The following VPS9D1 variants were observed in gnomAD, a reference collection of about 807,000 sequenced individuals.
VPS9D1 encodes VPS9 domain-containing protein 1.
A neutral mutation model predicts 75.8 loss-of-function variants in VPS9D1; 78 were observed. The ratio of observed to expected loss-of-function variants is 1.03; its 90% CI spans 0.86 to 1.24. VPS9D1 has a LOEUF of 1.24. Ranked by LOEUF, VPS9D1 falls within the 50% of genes most tolerant of loss-of-function variation. The pLI is 0.00. For synonymous variants in VPS9D1, 481 were observed against 385.6 expected, an observed-to-expected ratio of 1.25 and a Z score of -2.90; for missense variants, 1,057 against 847.7, an observed-to-expected ratio of 1.25 and a Z score of -3.07.
chr16:89,709,313 G>GC lies in VPS9D1; in HGVS notation c.1510dup (p.Ala504GlyfsTer67). The GC allele has an allele frequency of 6.2e-7, 1 of 1,604,944 alleles. No individual in the cohort carries two copies. Among genetic ancestry groups the GC allele is most frequent in the Non-Finnish European group, 8.5e-7 (1 of 1,177,494 alleles). On this transcript the variant is annotated frameshift_variant, in exon 12 of 15. Transcript: ENST00000389386. LOFTEE classifies it high-confidence loss of function. The stretch of plus-strand genomic sequence containing the variant: ...CGCCGCGCAGTAGGGGTAGCCAGTG[G>GC]CCCCCTTGGCCTCAGGGTTCTGGGG...
At chr16:89,720,588 T>A in intron 1 of VPS9D1, 175 bp downstream of exon 1, 1 of 1,224,104 alleles carries the variant, frequency 8.2e-7, no homozygotes, top group South Asian at 3.2e-5. Context: ...CCAAGGTCAC[T>A]GCACGCCCGG....
At chr16:89,711,247 C>T (rs1004903564) in intron 9 of VPS9D1, 80 bp downstream of exon 9, 6 of 1,456,538 alleles carry the variant, frequency 4.1e-6, no homozygotes, top group South Asian at 1.2e-5. Flanking sequence ...TCAGTCCAGC[C>T]CCTCTCCGGC....
Position 89,710,650 on chromosome 16 carries a change from C to T in VPS9D1, c.1194G>A (p.Gly398=). 17 of 1,611,562 alleles carry T rather than the reference C, an allele frequency of 1.1e-5. No homozygotes were observed. Among genetic ancestry groups the T allele is most frequent in the East Asian group, 4.5e-5 (2 of 44,848 alleles). Residue 398 remains glycine (G), a synonymous_variant, in exon 10 of 15, where the codon GGG becomes GGA. Transcript: ENST00000389386. ...GTSERQGRGR[G]VQPEPQLQQL... ...GCTGCAGCTGGGGCTCCGGCTGTAC[C>T]CCACGGCCCCGGCCCTGCCGCTCAG...
intron 4 of VPS9D1, 127 bp downstream of exon 4, chr16:89,716,335 C>A: frequency 7.0e-7 from 1 of 1,420,876 alleles, no homozygotes; most frequent in East Asian, 2.3e-5. Flanking sequence ...CGCTGCACTC[C>A]AGCCTGGGTG....
chr16:89,711,266 C>G, intron 9 of VPS9D1, 61 bp downstream of exon 9: 2 of 1,526,582 alleles, frequency 1.3e-6, no homozygotes, highest in Admixed American at 3.9e-5. Flanking sequence ...GCACCTGGCA[C>G]CAGGCAGAGG....
chr16:89,711,240 G>C, intron 9 of VPS9D1, 87 bp downstream of exon 9: 5 of 1,427,346 alleles, frequency 3.5e-6, no homozygotes, highest in Non-Finnish European at 2.9e-6. Context: ...CCCTGTGTCA[G>C]TCCAGCCCCT....
rs2061078926 is a variant in VPS9D1 at position 89,716,738 on chromosome 16, G to C, written c.260C>G (p.Ala87Gly). The C allele has an allele frequency of 1.0e-5, 16 of 1,588,552 alleles. No individual in the cohort carries two copies. The highest frequency in any genetic ancestry group is 1.4e-5 in the Non-Finnish European group (16 of 1,167,232). Residue 87 changes from alanine to glycine, a missense_variant, in exon 3 of 15, where the codon GCC becomes GGC. Coordinates refer to ENST00000389386, the MANE Select transcript of VPS9D1 (RefSeq NM_004913.3). ...TACTGCAGGAGACCCACCAAGCTTG[G>C]CGGCCGTCGACTGGGCCCTCTCCAG... Reference protein sequence around the residue: ...QCLERAQSTAAKLGKTRLKPT... With the variant: ...QCLERAQSTAGKLGKTRLKPT...
At position 89,708,840 on chromosome 16, in the gene VPS9D1, G is replaced by A. The variant is rs768067207; in HGVS notation, c.1697+17C>T. On this transcript the variant is annotated intron_variant, in intron 13 of 14. Coordinates refer to ENST00000389386, the MANE Select transcript of VPS9D1 (RefSeq NM_004913.3). ...GGCCCTTCCTCCCTGGCCACACCTCGCCCTCCTGGGACTCACATGGCAGCT... is the reference window on the plus strand; with the variant it reads ...GGCCCTTCCTCCCTGGCCACACCTCACCCTCCTGGGACTCACATGGCAGCT... 2.7e-5 allele frequency: 42 copies of A among 1,568,810 alleles called. No individual in the cohort carries two copies. Among genetic ancestry groups the A allele is most frequent in the Admixed American group, 6.3e-5 (3 of 47,532 alleles).
At chr16:89,720,345 C>T in intron 1 of VPS9D1, 1 of 919,168 alleles carries the variant, frequency 1.1e-6, no homozygotes, top group Non-Finnish European at 1.3e-6. Context: ...AACAGCATCA[C>T]AAATGAGCAG....
intron 2 of VPS9D1, among the ~76,000 whole-genome samples, chr16:89,717,181 C>CACCATGG (rs1174517232): frequency 6.8e-6 from 1 of 146,878 alleles, no homozygotes; most frequent in African/African-American, 2.5e-5. Flanking sequence ...CCCCTGCCCC[C>CACCATGG]ACCATGGACC....
chr16:89,718,183 G>T (rs2061135636), intron 2 of VPS9D1: 1 of 406,214 alleles, frequency 2.5e-6, no homozygotes, highest in Non-Finnish European at 5.0e-6. Context: ...CTCCTTGCCA[G>T]TTTGCTCCTG....
intron 3 of VPS9D1, 25 bp downstream of exon 3, chr16:89,716,705 G>A (rs377026308): frequency 6.3e-7 from 1 of 1,592,666 alleles, no homozygotes; most frequent in African/African-American, 1.4e-5. Context: ...TGCCCCAGGA[G>A]AGCCGCCTAC....
rs768299709 is a variant in VPS9D1, at chr16:89,711,339, G to T, written c.821C>A (p.Ser274Ter). Reference protein sequence around the residue: ...GDLSLVTSLVSHLLSLPDHPI... With the variant: ...GDLSLVTSLV ...AAGGCCCAGCTACCTGAGCAGGTGT[G>T]AGACCAGGCTGGTCACGAGTGACAG... Residue 274 changes from serine to a stop codon, truncating the protein, a stop_gained, in exon 9 of 15, where the codon TCA becomes TAA. Transcript: ENST00000389386. LOFTEE classifies it high-confidence loss of function. The T allele has an allele frequency of 1.9e-6, 3 of 1,609,998 alleles. No homozygotes were observed. Among genetic ancestry groups the T allele is most frequent in the East Asian group, 2.2e-5 (1 of 44,740 alleles).
chr16:89,720,590 C>T, intron 1 of VPS9D1, 173 bp downstream of exon 1: 4 of 1,224,488 alleles, frequency 3.3e-6, no homozygotes, highest in Non-Finnish European at 4.1e-6. Flanking sequence ...AAGGTCACTG[C>T]ACGCCCGGCT....
At chr16:89,712,554 C>T (rs1200242445) in intron 5 of VPS9D1, 32 bp from the exon 6 acceptor site, 5 of 1,609,878 alleles carry the variant, frequency 3.1e-6, no homozygotes, top group Admixed American at 3.4e-5. Flanking sequence ...AGGCCGACTC[C>T]CCTCTGCCCC....
intron 2 of VPS9D1, chr16:89,717,679 G>C: frequency 2.2e-6 from 1 of 455,876 alleles, no homozygotes; most frequent in Non-Finnish European, 4.4e-6. Flanking sequence ...TGCCAGACAC[G>C]GTGGGCCACT....
chr16:89,711,153 C>G, intron 9 of VPS9D1, 143 bp from the exon 10 acceptor site: 1 of 1,212,318 alleles, frequency 8.2e-7, no homozygotes, highest in Non-Finnish European at 1.1e-6. Context: ...CCCGCCCCCG[C>G]TGGGGAGGTT....
rs946927940 is a variant in VPS9D1, at chr16:89,716,682, C to T, written c.268+48G>A. 1.1e-5 allele frequency: 17 copies of T among 1,598,490 alleles called. 1 individual carries two copies. Among genetic ancestry groups the T allele is most frequent in the Middle Eastern group, 1.7e-4 (1 of 5,972 alleles). On this transcript the variant is annotated intron_variant, in intron 3 of 14. Coordinates refer to ENST00000389386, the MANE Select transcript of VPS9D1 (RefSeq NM_004913.3). ...TGGGCCACATCCCACAGAGGAGATG[C>T]GGGCTTGGGGGATGCCCCAGGAGAG...
chr16:89,713,045 C>G, intron 4 of VPS9D1: 1 of 187,950 alleles, frequency 5.3e-6, no homozygotes, highest in East Asian at 1.6e-4. Flanking sequence ...ATTAGCTGGG[C>G]ATGGTGCACA....
Sources: allele counts gnomAD v4.1 joint callset (sites outside exome capture counted in the v4.1 genomes callset), GRCh38; gene constraint gnomAD v4.1.1; transcripts MANE v1.5; gene names NCBI Gene and HGNC (gene_info 2026-07-23, HGNC 2026-07-21).